The following GMDS variants were observed in gnomAD, a reference collection of about 807,000 sequenced individuals.
The protein encoded by GMDS is GDP-mannose 4,6 dehydratase.
A neutral mutation model predicts 49.9 loss-of-function variants in GMDS; 20 were observed. That is an observed-to-expected ratio of 0.40 (90% confidence interval 0.28 to 0.58). GMDS has a LOEUF of 0.58. Ranked by LOEUF, GMDS falls within the 20% of genes least tolerant of loss-of-function variation. The pLI is 0.42. For synonymous variants in GMDS, 177 were observed against 178.6 expected (o/e 0.99, Z 0.07); for missense variants, 362 against 481.4 (o/e 0.75, Z 2.32).
chr6:1,843,084 T>G (rs1297905629), intron 7 of GMDS, among the ~76,000 whole-genome samples: 1 of 147,464 alleles, frequency 6.8e-6, no homozygotes, highest in Non-Finnish European at 1.5e-5. Flanking sequence ...CTCTCCAGCC[T>G]GAGCAACAGA....
intron 7 of GMDS, among the ~76,000 whole-genome samples, chr6:1,926,034 A>T (rs1282155696): frequency 6.6e-6 from 1 of 152,012 alleles, no homozygotes; most frequent in Non-Finnish European, 1.5e-5. Context: ...GAGAGAGGAG[A>T]GCTCCAGCCA....
chr6:1,895,234 G>A (rs189219935), intron 7 of GMDS, among the ~76,000 whole-genome samples: 233 of 152,166 alleles, frequency 1.5e-3, no homozygotes, highest in Non-Finnish European at 1.2e-3. Context: ...CCTGCCTTCC[G>A]TCCACCATTT....
At chr6:1,950,473 C>G (rs1361392281) in intron 6 of GMDS, among the ~76,000 whole-genome samples, 1 of 152,186 alleles carries the variant, frequency 6.6e-6, no homozygotes, top group African/African-American at 2.4e-5. Context: ...CAGTGGGTCA[C>G]TGAGGTGAGG....
At chr6:2,046,237 C>G (rs185247861) in intron 4 of GMDS, among the ~76,000 whole-genome samples, 1 of 152,154 alleles carries the variant, frequency 6.6e-6, no homozygotes, top group East Asian at 1.9e-4. Flanking sequence ...AAATCATAGA[C>G]TAAAGAAAAT....
chr6:2,005,571 T>C (rs897164539), intron 4 of GMDS, among the ~76,000 whole-genome samples: 2 of 152,182 alleles, frequency 1.3e-5, no homozygotes, highest in African/African-American at 2.4e-5. Context: ...CTAGACCCCA[T>C]AGTCTGTCAC....
At chr6:1,639,316 G>A (rs1025496208) in intron 9 of GMDS, among the ~76,000 whole-genome samples, 3 of 152,202 alleles carry the variant, frequency 2.0e-5, no homozygotes, top group Non-Finnish European at 4.4e-5. Context: ...CGCAGGAGGC[G>A]CTCACAGGCC....
chr6:2,070,559 A>G (rs982899110), intron 4 of GMDS, among the ~76,000 whole-genome samples: 2 of 152,290 alleles, frequency 1.3e-5, no homozygotes, highest in East Asian at 3.9e-4. Context: ...AAATATATGA[A>G]CTGAAAACAC....
rs191858310 is a variant in GMDS at position 1,755,475 on chromosome 6, A to G, written c.772-12889T>C. The stretch of plus-strand genomic sequence containing the variant: ...CAAAGTAATTTGTAGATTCAATGCT[A>G]TCCCCATCAAGCTGCCACTGACTTT... On this transcript the variant is annotated intron_variant, in intron 7 of 10. Coordinates refer to ENST00000380815, the MANE Select transcript of GMDS (RefSeq NM_001500.4). 3.2e-3 allele frequency among the ~76,000 whole-genome samples: 484 copies of G among 152,306 alleles called. 2 individuals are homozygous for G. The highest frequency in any genetic ancestry group is 5.5e-3 in the Non-Finnish European group (373 of 68,022).
At chr6:2,208,691 G>C (rs373094074) in intron 1 of GMDS, among the ~76,000 whole-genome samples, 1 of 152,088 alleles carries the variant, frequency 6.6e-6, no homozygotes, top group Non-Finnish European at 1.5e-5. Flanking sequence ...TGAAATACCC[G>C]AAGGAAAGTA....
At chr6:1,923,661 G>A (rs575926722) in intron 7 of GMDS, among the ~76,000 whole-genome samples, 7 of 152,340 alleles carry the variant, frequency 4.6e-5, no homozygotes, top group African/African-American at 7.2e-5. Flanking sequence ...TCCTACAAGC[G>A]GTTGAGCATG....
At chr6:1,961,035 C>A in intron 4 of GMDS, 69 bp from the exon 5 acceptor site, 3 of 824,744 alleles carry the variant, frequency 3.6e-6, no homozygotes, top group Middle Eastern at 3.1e-4. Flanking sequence ...TCAGCAGGAA[C>A]AAAGACTACA....
chr6:2,051,553 AT>A (rs953450581), intron 4 of GMDS, among the ~76,000 whole-genome samples: 3 of 152,084 alleles, frequency 2.0e-5, no homozygotes, highest in South Asian at 2.1e-4. Context: ...TATTTGCAGG[AT>A]TTTTTGTGGG....
At position 1,905,906 on chromosome 6, in the gene GMDS, AC is replaced by A. The variant is rs1304140819; in HGVS notation, c.771+24196del. ...CAATAACCCCATAGGCCATCTGGGA[AC>A]ACGTATGCAGGTGTCCCTGAGAAGG... On this transcript the variant is annotated intron_variant, in intron 7 of 10. Transcript: ENST00000380815. Among the ~76,000 whole-genome samples the A allele has an allele frequency of 1.9e-4, 14 of 73,142 alleles. 1 individual carries two copies. Among genetic ancestry groups the A allele is most frequent in the African/African-American group, 2.5e-4 (4 of 15,840 alleles). 48.0% of individuals were successfully genotyped at this position (73,142 alleles called of 152,430 possible).
At chr6:1,783,557 T>C (rs1025552490) in intron 7 of GMDS, among the ~76,000 whole-genome samples, 5 of 152,230 alleles carry the variant, frequency 3.3e-5, no homozygotes, top group Non-Finnish European at 5.9e-5. Context: ...GTTTGCAATA[T>C]AGAATCTGAA....
At chr6:1,893,532 CTT>C (rs1477390635) in intron 7 of GMDS, among the ~76,000 whole-genome samples, 3 of 152,212 alleles carry the variant, frequency 2.0e-5, no homozygotes, top group African/African-American at 7.2e-5. Flanking sequence ...TCTCCATCCT[CTT>C]TTTCATTCTC....
chr6:2,007,485 G>C (rs1392766564), intron 4 of GMDS, among the ~76,000 whole-genome samples: 1 of 151,868 alleles, frequency 6.6e-6, no homozygotes, highest in African/African-American at 2.4e-5. Context: ...ATCTGTCCAG[G>C]CTTTTATAAC....
intron 8 of GMDS, among the ~76,000 whole-genome samples, chr6:1,735,194 C>T (rs1322638583): frequency 6.6e-6 from 1 of 151,426 alleles, no homozygotes; most frequent in Admixed American, 6.6e-5. Context: ...TGTTCTGGGC[C>T]ATCTGCATCT....
intron 1 of GMDS, among the ~76,000 whole-genome samples, chr6:2,138,769 T>C (rs1236790089): frequency 6.6e-6 from 1 of 152,206 alleles, no homozygotes; most frequent in African/African-American, 2.4e-5. Context: ...TTCCATCAAT[T>C]CTTCATTGAC....
intron 7 of GMDS, among the ~76,000 whole-genome samples, chr6:1,863,070 A>C (rs916437473): frequency 6.6e-6 from 1 of 152,212 alleles, no homozygotes; most frequent in Admixed American, 6.5e-5. Flanking sequence ...CAGAAAAAAG[A>C]AGCTTTTTTA....
Sources: allele counts gnomAD v4.1 joint callset (sites outside exome capture counted in the v4.1 genomes callset), GRCh38; gene constraint gnomAD v4.1.1; transcripts MANE v1.5; gene names NCBI Gene and HGNC (gene_info 2026-07-23, HGNC 2026-07-21).